Variants in HDAC7 observed in about 807,000 individuals in gnomAD.
HDAC7 encodes the protein histone deacetylase 7A.
A neutral mutation model predicts 115.5 loss-of-function variants in HDAC7; 26 were observed. That is an observed-to-expected ratio of 0.23 (90% confidence interval 0.16 to 0.31). HDAC7 has a LOEUF of 0.31. Ranked by LOEUF, HDAC7 falls within the 10% of genes least tolerant of loss-of-function variation. HDAC7 has a pLI of 1.00. For missense variants in HDAC7, 1,068 were observed against 1,329.0 expected, an observed-to-expected ratio of 0.80 and a Z score of 3.05; for synonymous variants, 564 against 550.9, an observed-to-expected ratio of 1.02 and a Z score of -0.33.
At chr12:47,786,918 A>G (rs535178873) in intron 21 of HDAC7, among the ~76,000 whole-genome samples, 5 of 152,362 alleles carry the variant, frequency 3.3e-5, no homozygotes, top group African/African-American at 1.2e-4. Context: ...GGACTTAACT[A>G]GCAAGAGGCA....
intron 12 of HDAC7, 118 bp downstream of exon 12, chr12:47,794,642 C>T: frequency 9.5e-7 from 1 of 1,049,052 alleles, no homozygotes; most frequent in Non-Finnish European, 1.3e-6. Context: ...ATAGGGCAAC[C>T]ATGGGTCCTA....
At position 47,795,892 on chromosome 12, in the gene HDAC7, C is replaced by T; in HGVS notation, c.906+14G>A. The T allele has an allele frequency of 6.5e-7, 1 of 1,543,930 alleles. No individual in the cohort carries two copies. The highest frequency in any genetic ancestry group is 8.7e-7 in the Non-Finnish European group (1 of 1,143,802). Reference sequence around the variant, plus strand: ...GGGGGGCTTGGAGTGGGGGTGGGCACCCCAGCCACTCACCCTGGCAGGGGC... The same window carrying T: ...GGGGGGCTTGGAGTGGGGGTGGGCATCCCAGCCACTCACCCTGGCAGGGGC... On this transcript the variant is annotated intron_variant, in intron 9 of 25. Transcript: ENST00000080059. The surrounding 1 kb of genome is among the most constrained non-coding windows in gnomAD (Gnocchi z 4.3).
chr12:47,797,291 G>GGGCCCCCCCCCCC lies in HDAC7; in HGVS notation c.577+92_577+93insGGGGGGGGGGGCC. 1 of 1,336,200 alleles carries GGGCCCCCCCCCCC rather than the reference G, an allele frequency of 7.5e-7. No individual in the cohort carries two copies. The highest frequency in any genetic ancestry group is 1.1e-6 in the Non-Finnish European group (1 of 948,960). 82.8% of individuals were successfully genotyped at this position (1,336,200 alleles called of 1,614,324 possible). A position where few individuals can be genotyped will look rare whatever the true frequency, so the allele number is the denominator to read the frequency against. ...AGCCTACCGATGATCTCCTGGCCCAGCCCAGCCCGCCCACCCCTGCACACT... is the reference window on the plus strand; with the variant it reads ...AGCCTACCGATGATCTCCTGGCCCAGGGCCCCCCCCCCCCCCAGCCCGCCCACCCCTGCACACT... On this transcript the variant is annotated intron_variant, in intron 6 of 25. Coordinates refer to ENST00000080059, the MANE Select transcript of HDAC7 (RefSeq NM_015401.5). The surrounding 1 kb of genome is among the most constrained non-coding windows in gnomAD (Gnocchi z 5.5).
intron 2 of HDAC7, chr12:47,799,280 G>C (rs1437252138): frequency 5.8e-6 from 2 of 345,682 alleles, no homozygotes; most frequent in Non-Finnish European, 1.0e-5. Context: ...GCCGGGGGCT[G>C]AGGGCTACAG....
rs1305934352 is a variant in HDAC7 at position 47,798,094 on chromosome 12, G to A, written c.461+14C>T. ...TGCATGTGGGGACAGGAGGGCAGGT[G>A]AGGAGGGTGTTACCTGTAGGGAATG... is the stretch of plus-strand genomic sequence containing the variant. On this transcript the variant is annotated intron_variant, in intron 5 of 25. Transcript: ENST00000080059. This position sits in a 1 kb window ranked among gnomAD's most constrained non-coding sequence, Gnocchi z 4.3. 2.5e-6 allele frequency: 4 copies of A among 1,583,854 alleles called. No homozygotes were observed. Among genetic ancestry groups the A allele is most frequent in the East Asian group, 2.2e-5 (1 of 44,720 alleles).
intron 24 of HDAC7, 90 bp from the exon 25 acceptor site, chr12:47,784,307 GC>G: frequency 1.4e-6 from 2 of 1,399,790 alleles, no homozygotes; most frequent in Non-Finnish European, 1.9e-6. Flanking sequence ...GGTGTCTCAG[GC>G]CCAGGGCCCC....
At chr12:47,791,556 C>T in intron 15 of HDAC7, 30 bp downstream of exon 15, 1 of 1,587,426 alleles carries the variant, frequency 6.3e-7, no homozygotes, top group East Asian at 2.3e-5. Context: ...GGTAAGCTGG[C>T]ATGGGGAGAC....
rs577419391 is a variant in HDAC7, at chr12:47,797,855, G to GGGGTGTGTGTGTGTGTGTGT, written c.461+252_461+253insACACACACACACACACACCC. 8.1e-6 allele frequency among the ~76,000 whole-genome samples: 1 copy of GGGGTGTGTGTGTGTGTGTGT among 123,874 alleles called. No individual in the cohort carries two copies. Among genetic ancestry groups the GGGGTGTGTGTGTGTGTGTGT allele is most frequent in the Non-Finnish European group, 1.7e-5 (1 of 60,002 alleles). The allele number at this position is 123,874 out of a possible 152,430, so 81.3% of individuals were successfully genotyped here. ...TCATGTGCAAGAAAAAAGCCAGTAG[G>GGGGTGTGTGTGTGTGTGTGT]GTGTGTGTGTGTGTGTGTGTGTGTG... On this transcript the variant is annotated intron_variant, in intron 5 of 25. Coordinates refer to ENST00000080059, the MANE Select transcript of HDAC7 (RefSeq NM_015401.5). The surrounding 1 kb of genome is among the most constrained non-coding windows in gnomAD (Gnocchi z 5.5).
chr12:47,792,058 C>A, intron 13 of HDAC7, 54 bp from the exon 14 acceptor site: 2 of 1,535,372 alleles, frequency 1.3e-6, no homozygotes, highest in African/African-American at 1.4e-5. Context: ...GCCCCATGGC[C>A]TTGGCTGCAG....
At chr12:47,792,465 A>C in intron 13 of HDAC7, 1 of 341,602 alleles carries the variant, frequency 2.9e-6, no homozygotes, top group South Asian at 2.3e-5. Context: ...ACCGGGAGCT[A>C]AGAAGCCCAC....
intron 1 of HDAC7, among the ~76,000 whole-genome samples, chr12:47,810,802 AGGTCTCTCTCTCTCTCTCTCTC>A: frequency 8.3e-6 from 1 of 121,096 alleles, no homozygotes; most frequent in Admixed American, 9.0e-5. Context: ...TGGGAGGAAA[AGGTCTCTCTCTCTCTCTCTCTC>A]TCTCTCTCTC....
chr12:47,795,512 A>G lies in HDAC7; in HGVS notation c.1087+75T>C. 6.8e-7 allele frequency: 1 copy of G among 1,474,872 alleles called. No homozygotes were observed. Among genetic ancestry groups the G allele is most frequent in the Admixed American group, 2.0e-5 (1 of 50,596 alleles). 91.4% of individuals were successfully genotyped at this position (1,474,872 alleles called of 1,614,324 possible). On this transcript the variant is annotated intron_variant, in intron 10 of 25. Transcript: ENST00000080059. The surrounding 1 kb of genome is among the most constrained non-coding windows in gnomAD (Gnocchi z 4.3). The stretch of plus-strand genomic sequence containing the variant: ...AGGGGGACAGAGATGGGGAGGAAGG[A>G]TGGGTCCATCCCAAGCTTGGCTCTT...
At chr12:47,792,221 C>A in intron 13 of HDAC7, 1 of 575,370 alleles carries the variant, frequency 1.7e-6, no homozygotes, top group Non-Finnish European at 3.0e-6. Flanking sequence ...CCCCAGGTGG[C>A]AGCAGCCAAC....
intron 23 of HDAC7, 50 bp downstream of exon 23, chr12:47,785,702 C>G: frequency 6.4e-7 from 1 of 1,563,568 alleles, no homozygotes. Context: ...TCCTGAGAGC[C>G]GGGCTTACCT....
intron 1 of HDAC7, among the ~76,000 whole-genome samples, chr12:47,818,157 T>C (rs1189408093): frequency 1.3e-5 from 2 of 152,128 alleles, no homozygotes; most frequent in African/African-American, 4.8e-5. Context: ...CAAAACCCAC[T>C]GTAAGACCCG....
Position 47,791,715 on chromosome 12 carries a change from G to T in HDAC7, c.1813-9C>A, listed in dbSNP as rs755895525. 6 of 1,613,468 alleles carry T rather than the reference G, an allele frequency of 3.7e-6. No homozygotes were observed. In the South Asian group the frequency reaches 6.6e-5, roughly 18 times the overall value. On this transcript the variant is annotated splice_polypyrimidine_tract_variant and intron_variant, in intron 14 of 25. Transcript: ENST00000080059. ...TTCCGGCCTCGGAGACACTGAAAAG[G>T]GGACCACAGAGCTCTGAGCTCATGC...
intron 7 of HDAC7, 111 bp downstream of exon 7, chr12:47,796,906 C>T: frequency 8.2e-7 from 1 of 1,220,996 alleles, no homozygotes. Flanking sequence ...CCCATGCAAC[C>T]ACGCATGGCA....
At position 47,792,328 on chromosome 12, in the gene HDAC7, C is replaced by T. The variant is rs180738362; in HGVS notation, c.1679-324G>A. 2.5e-3 allele frequency: 1,030 copies of T among 418,808 alleles called. 13 individuals carry two copies. The highest frequency in any genetic ancestry group is 0.019 in the African/African-American group (943 of 50,002). 25.9% of individuals were successfully genotyped at this position (418,808 alleles called of 1,614,324 possible). On this transcript the variant is annotated intron_variant, in intron 13 of 25. Coordinates refer to ENST00000080059, the MANE Select transcript of HDAC7 (RefSeq NM_015401.5). Reference sequence around the variant, plus strand: ...GGTGGCCCAGGACTCGAGGGCCCAGCACCAGGCCCTCAAGTGCTCAGAGCA... The same window carrying T: ...GGTGGCCCAGGACTCGAGGGCCCAGTACCAGGCCCTCAAGTGCTCAGAGCA...
intron 11 of HDAC7, 23 bp from the exon 12 acceptor site, chr12:47,794,956 G>A: frequency 1.3e-6 from 2 of 1,599,916 alleles, no homozygotes; most frequent in Non-Finnish European, 1.7e-6. Flanking sequence ...GAACCTGGCT[G>A]AGAAGCCATG....
Sources: allele counts gnomAD v4.1 joint callset (sites outside exome capture counted in the v4.1 genomes callset), GRCh38; gene constraint gnomAD v4.1.1; non-coding constraint Gnocchi (gnomAD v3.1); transcripts MANE v1.5; gene names NCBI Gene and HGNC (gene_info 2026-07-23, HGNC 2026-07-21).